The following MSMO1 variants were observed in gnomAD, a reference collection of about 807,000 sequenced individuals.
MSMO1 encodes methylsterol monooxygenase 1, also known as C-4 methylsterol oxidase.
A neutral mutation model predicts 30.4 loss-of-function variants in MSMO1; 18 were observed. The ratio of observed to expected loss-of-function variants is 0.59; its 90% CI spans 0.41 to 0.88. The LOEUF is 0.88. Ranked by LOEUF, MSMO1 falls within the 40% of genes least tolerant of loss-of-function variation. MSMO1 has a pLI of 0.00. For synonymous variants in MSMO1, 84 were observed against 107.9 expected, an observed-to-expected ratio of 0.78 and a Z score of 1.37; for missense variants, 284 against 340.5, an observed-to-expected ratio of 0.83 and a Z score of 1.31.
Position 165,333,535 on chromosome 4 carries a change from T to C in MSMO1, c.165T>C (p.Leu55=), listed in dbSNP as rs2126619750. 6.2e-7 allele frequency: 1 copy of C among 1,613,142 alleles called. No homozygotes were observed. The highest frequency in any genetic ancestry group is 2.2e-5 in the East Asian group (1 of 44,786). ...TCCAGATTGCAACATGGGGATCCCT[T>C]ATAGTTCATGAAGCCCTTTATTTCT... The part of the protein sequence containing the change: ...TKFQIATWGS[L]IVHEALYFLF... Residue 55 remains leucine, a synonymous_variant, in exon 2 of 6, where the codon CTT becomes CTC. Transcript: ENST00000261507.
intron 2 of MSMO1, among the ~76,000 whole-genome samples, chr4:165,336,165 A>C (rs1043661663): frequency 6.7e-6 from 1 of 149,262 alleles, no homozygotes; most frequent in Non-Finnish European, 1.5e-5. Context: ...GCTAATGCAC[A>C]TCCTTGCTAG....
chr4:165,329,002 T>A (rs1747314566), intron 1 of MSMO1, among the ~76,000 whole-genome samples: 1 of 152,136 alleles, frequency 6.6e-6, no homozygotes, highest in Non-Finnish European at 1.5e-5. Flanking sequence ...TCTGACTGGA[T>A]ATGACCAGTA....
rs1430053295 is a variant in MSMO1 at position 165,338,696 on chromosome 4, A to T, written c.449A>T (p.Asp150Val). The change falls in exon 4 of 6, where the codon GAT becomes GTT. Residue 150 changes from aspartate to valine, a missense_variant. Transcript: ENST00000261507. ...TGCTTTGGTTGTGCAGTCATTGAAG[A>T]TACTTGGCACTATTTTCTGCATAGA... Reference protein sequence around the residue: ...ARCFGCAVIEDTWHYFLHRLL... With the variant: ...ARCFGCAVIEVTWHYFLHRLL... 4 of 1,608,082 alleles carry T rather than the reference A, an allele frequency of 2.5e-6. No individual in the cohort carries two copies. Among genetic ancestry groups the T allele is most frequent in the Non-Finnish European group, 3.4e-6 (4 of 1,174,682 alleles).
intron 4 of MSMO1, among the ~76,000 whole-genome samples, 155 bp from the exon 5 acceptor site, chr4:165,340,066 T>C (rs1747674826): frequency 6.6e-6 from 1 of 152,250 alleles, no homozygotes; most frequent in African/African-American, 2.4e-5. Context: ...AGTCTACTGA[T>C]TTAAATGTTA....
intron 1 of MSMO1, among the ~76,000 whole-genome samples, chr4:165,329,814 T>A (rs771843454): frequency 4.6e-5 from 7 of 151,796 alleles, no homozygotes; most frequent in Non-Finnish European, 7.4e-5. Flanking sequence ...TTTTTGTATT[T>A]TTTTGGTGGA....
intron 2 of MSMO1, among the ~76,000 whole-genome samples, chr4:165,334,223 C>T (rs1747477954): frequency 6.6e-6 from 1 of 152,158 alleles, no homozygotes; most frequent in East Asian, 1.9e-4. Context: ...TTTAGACTAG[C>T]CATGTTTAAA....
chr4:165,332,633 C>G (rs1344824569), intron 1 of MSMO1, among the ~76,000 whole-genome samples: 1 of 152,184 alleles, frequency 6.6e-6, no homozygotes, highest in African/African-American at 2.4e-5. Context: ...CTTACCAGTA[C>G]TGGACATTAA....
Position 165,333,580 on chromosome 4 carries a change from T to C in MSMO1, c.210T>C (p.Phe70=). The C allele has an allele frequency of 6.2e-7, 1 of 1,604,352 alleles. No individual in the cohort carries two copies. Among genetic ancestry groups the C allele is most frequent in the Non-Finnish European group, 8.5e-7 (1 of 1,175,704 alleles). Residue 70 remains phenylalanine, a synonymous_variant, in exon 2 of 6, where the codon TTT becomes TTC. Coordinates refer to ENST00000261507, the MANE Select transcript of MSMO1 (RefSeq NM_006745.5). ...ALYFLFCLPG[F]LFQFIPYMKK... Reference sequence around the variant, plus strand: ...ATTTCTTATTCTGTTTACCTGGATTTTTATTTCAATTTATACCTTATATGA... The same window carrying C: ...ATTTCTTATTCTGTTTACCTGGATTCTTATTTCAATTTATACCTTATATGA...
intron 1 of MSMO1, chr4:165,328,022 T>A (rs1747286630): frequency 6.6e-6 from 1 of 152,298 alleles, no homozygotes; most frequent in Admixed American, 6.5e-5. Context: ...TTCTTGCCCT[T>A]TAAAATGTGT....
intron 2 of MSMO1, among the ~76,000 whole-genome samples, chr4:165,335,518 T>C (rs1477560813): frequency 6.6e-6 from 1 of 152,312 alleles, no homozygotes; most frequent in African/African-American, 2.4e-5. Context: ...TTTAGGGTGA[T>C]TGTGGCTGCC....
rs1328439965 is a variant in MSMO1 at position 165,338,683 on chromosome 4, G to A, written c.436G>A (p.Ala146Thr). The change falls in exon 4 of 6, where the codon GCA (alanine) becomes ACA (threonine). Residue 146 changes from alanine (A) to threonine (T), a missense_variant. Transcript: ENST00000261507. ...YFLLARCFGC[A>T]VIEDTWHYFL... Reference sequence around the variant, plus strand: ...TCTTTTGGCAAGATGCTTTGGTTGTGCAGTCATTGAAGATACTTGGCACTA... The same window carrying A: ...TCTTTTGGCAAGATGCTTTGGTTGTACAGTCATTGAAGATACTTGGCACTA... 1 of 1,609,496 alleles carries A rather than the reference G, an allele frequency of 6.2e-7. No individual in the cohort carries two copies. The highest frequency in any genetic ancestry group is 1.7e-5 in the Admixed American group (1 of 59,996).
chr4:165,332,165 T>C (rs946484167), intron 1 of MSMO1, among the ~76,000 whole-genome samples: 1 of 152,248 alleles, frequency 6.6e-6, no homozygotes, highest in African/African-American at 2.4e-5. Context: ...ATTTTTTGTT[T>C]CTGTGTGTCT....
chr4:165,340,085 T>A, intron 4 of MSMO1, 136 bp from the exon 5 acceptor site: 1 of 745,564 alleles, frequency 1.3e-6, no homozygotes, highest in Non-Finnish European at 2.2e-6. Context: ...TAACAACATC[T>A]AAAAAATACC....
intron 4 of MSMO1, among the ~76,000 whole-genome samples, chr4:165,339,324 G>A (rs997693269): frequency 4.0e-5 from 6 of 151,670 alleles, no homozygotes; most frequent in Middle Eastern, 3.2e-3. Flanking sequence ...GGCTGGTCTC[G>A]AACTCCTGAC....
At chr4:165,338,380 G>A (rs1747621665) in intron 3 of MSMO1, among the ~76,000 whole-genome samples, 2 of 150,142 alleles carry the variant, frequency 1.3e-5, no homozygotes, top group South Asian at 2.1e-4. Context: ...GTCACTTAAC[G>A]GATATCTCTT....
chr4:165,334,967 G>A (rs547679890), intron 2 of MSMO1, among the ~76,000 whole-genome samples: 7 of 152,228 alleles, frequency 4.6e-5, no homozygotes, highest in Admixed American at 4.6e-4. Flanking sequence ...AACATGTACA[G>A]TCTTTTTTTT....
chr4:165,341,619 T>C (rs1042767769), intron 5 of MSMO1, 132 bp from the exon 6 acceptor site: 10 of 731,586 alleles, frequency 1.4e-5, no homozygotes, highest in Non-Finnish European at 2.3e-5. Context: ...TTGTGAACAC[T>C]TAGAAATAAA....
intron 1 of MSMO1, among the ~76,000 whole-genome samples, chr4:165,331,642 G>A (rs1163500467): frequency 6.6e-6 from 1 of 152,200 alleles, no homozygotes; most frequent in Non-Finnish European, 1.5e-5. Flanking sequence ...GGGATAAAAG[G>A]TCAGTTTGAG....
chr4:165,333,290 T>G (rs1383767948), intron 1 of MSMO1, 50 bp from the exon 2 acceptor site: 1 of 1,463,108 alleles, frequency 6.8e-7, no homozygotes, highest in African/African-American at 1.4e-5. Flanking sequence ...ACTGTTTTAT[T>G]TTTTGAAAGC....
Sources: allele counts gnomAD v4.1 joint callset (sites outside exome capture counted in the v4.1 genomes callset), GRCh38; gene constraint gnomAD v4.1.1; transcripts MANE v1.5; gene names NCBI Gene and HGNC (gene_info 2026-07-23, HGNC 2026-07-21).